Variants in SLC4A4 observed in about 807,000 individuals in gnomAD.
SLC4A4 encodes the protein electrogenic sodium bicarbonate cotransporter 1.
SLC4A4 carries 27 observed loss-of-function variants against 111.5 expected under a neutral mutation model. That is an observed-to-expected ratio of 0.24 (90% CI 0.18 to 0.33). The LOEUF is 0.33. Among genes scored for constraint, SLC4A4 ranks in the 10% least tolerant of loss-of-function variants. The pLI, the probability that SLC4A4 is intolerant of heterozygous loss-of-function variation, is 1.00. For missense variants in SLC4A4, 909 were observed against 1,315.5 expected, an observed-to-expected ratio of 0.69 and a Z score of 4.78; for synonymous variants, 443 against 463.4, an observed-to-expected ratio of 0.96 and a Z score of 0.57.
intron 15 of SLC4A4, among the ~76,000 whole-genome samples, chr4:71,493,247 A>G (rs1455397535): frequency 6.6e-6 from 1 of 152,068 alleles, no homozygotes; most frequent in Non-Finnish European, 1.5e-5. Context: ...AATGTTACAT[A>G]TGAAACACTT....
At chr4:71,228,532 A>G (rs1719192525) in intron 1 of SLC4A4, among the ~76,000 whole-genome samples, 2 of 152,198 alleles carry the variant, frequency 1.3e-5, no homozygotes, top group Non-Finnish European at 2.9e-5. Context: ...AGCTCATTTT[A>G]AAAGACACTG....
intron 3 of SLC4A4, among the ~76,000 whole-genome samples, chr4:71,299,666 G>A (rs537044744): frequency 9.9e-5 from 15 of 152,224 alleles, no homozygotes; most frequent in Admixed American, 3.9e-4. Flanking sequence ...GGGAGCCAGC[G>A]TTGTGGAGAG....
At chr4:71,507,582 G>C (rs901467448) in intron 16 of SLC4A4, among the ~76,000 whole-genome samples, 1 of 152,172 alleles carries the variant, frequency 6.6e-6, no homozygotes, top group Non-Finnish European at 1.5e-5. Context: ...GGAGCACCAA[G>C]ATTTAAAAAG....
At chr4:71,145,543 T>G (rs1256286548) in intron 2 of SLC4A4, among the ~76,000 whole-genome samples, 2 of 152,172 alleles carry the variant, frequency 1.3e-5, no homozygotes, top group East Asian at 3.9e-4. Context: ...TCCTTGTACC[T>G]CTGGTAGAAT....
chr4:71,330,667 A>G (rs1405291344), intron 3 of SLC4A4, among the ~76,000 whole-genome samples: 1 of 152,150 alleles, frequency 6.6e-6, no homozygotes, highest in Non-Finnish European at 1.5e-5. Flanking sequence ...TCAGGACATA[A>G]GCATGGGCAA....
At chr4:71,135,496 A>C (rs755443805) in intron 2 of SLC4A4, among the ~76,000 whole-genome samples, 4 of 151,968 alleles carry the variant, frequency 2.6e-5, no homozygotes, top group Non-Finnish European at 4.4e-5. Context: ...GGATTTTACC[A>C]TGTTGGCCAG....
At chr4:71,506,773 G>A (rs75868144) in intron 16 of SLC4A4, among the ~76,000 whole-genome samples, 1,528 of 152,050 alleles carry the variant, frequency 0.01, 24 homozygotes, top group African/African-American at 0.031. Context: ...CAAGAAGGTC[G>A]TCCTCAAGAC....
chr4:71,455,487 G>A (rs1726159054), intron 12 of SLC4A4, among the ~76,000 whole-genome samples: 1 of 152,040 alleles, frequency 6.6e-6, no homozygotes, highest in African/African-American at 2.4e-5. Context: ...AAAACAGATC[G>A]TTCAAGAAAA....
intron 3 of SLC4A4, among the ~76,000 whole-genome samples, chr4:71,268,607 T>A (rs565532794): frequency 2.2e-4 from 33 of 152,344 alleles, no homozygotes; most frequent in African/African-American, 7.9e-4. Flanking sequence ...AACAGAGTAT[T>A]TTTGTTCATT....
intron 2 of SLC4A4, among the ~76,000 whole-genome samples, chr4:71,128,160 C>G (rs147516308): frequency 6.6e-6 from 1 of 152,238 alleles, no homozygotes; most frequent in Non-Finnish European, 1.5e-5. Flanking sequence ...AATCCACTCA[C>G]AGTTCCACCT....
chr4:71,286,165 G>A (rs1723903168), intron 3 of SLC4A4, among the ~76,000 whole-genome samples: 1 of 152,120 alleles, frequency 6.6e-6, no homozygotes, highest in Non-Finnish European at 1.5e-5. Flanking sequence ...GCGTGAACCT[G>A]GGAGGTGGAG....
chr4:71,354,908 T>G (rs999706460), intron 5 of SLC4A4, among the ~76,000 whole-genome samples: 1 of 152,152 alleles, frequency 6.6e-6, no homozygotes, highest in African/African-American at 2.4e-5. Flanking sequence ...CATCTAGTGT[T>G]GGCACATTCT....
At chr4:71,406,658 T>TC (rs909288194) in intron 7 of SLC4A4, among the ~76,000 whole-genome samples, 1 of 151,648 alleles carries the variant, frequency 6.6e-6, no homozygotes, top group African/African-American at 2.4e-5. Flanking sequence ...TTTTTTTTTT[T>TC]TTTGCCACCA....
intron 3 of SLC4A4, among the ~76,000 whole-genome samples, chr4:71,328,892 C>T (rs1727718525): frequency 6.6e-6 from 1 of 152,064 alleles, no homozygotes; most frequent in Non-Finnish European, 1.5e-5. Flanking sequence ...GAAACCTTTG[C>T]CCAGTCCAAT....
At chr4:71,065,679 G>A (rs887103394) in intron 1 of SLC4A4, among the ~76,000 whole-genome samples, 3 of 151,950 alleles carry the variant, frequency 2.0e-5, no homozygotes, top group African/African-American at 4.8e-5. Flanking sequence ...GGGACTTTGC[G>A]CATGTGTTTG....
intron 2 of SLC4A4, among the ~76,000 whole-genome samples, chr4:71,177,573 A>T (rs1323778882): frequency 6.6e-6 from 1 of 152,226 alleles, no homozygotes; most frequent in Non-Finnish European, 1.5e-5. Flanking sequence ...AGATCAAAAG[A>T]GACAAAGAAG....
intron 7 of SLC4A4, among the ~76,000 whole-genome samples, chr4:71,419,297 G>A (rs1488007923): frequency 6.6e-6 from 1 of 152,236 alleles, no homozygotes; most frequent in Non-Finnish European, 1.5e-5. Context: ...TGCCCCCAGA[G>A]GTGGAGCCTA....
At chr4:71,113,854 A>G (rs1743168697) in intron 2 of SLC4A4, among the ~76,000 whole-genome samples, 1 of 152,238 alleles carries the variant, frequency 6.6e-6, no homozygotes, top group Non-Finnish European at 1.5e-5. Flanking sequence ...TATTAGCTTT[A>G]GAAGCCATTT....
intron 2 of SLC4A4, among the ~76,000 whole-genome samples, chr4:71,171,233 G>GT (rs1560756900): frequency 6.6e-6 from 1 of 151,918 alleles, no homozygotes; most frequent in African/African-American, 2.4e-5. Flanking sequence ...GTGGCTTTGC[G>GT]TGCAGGCTGG....
Sources: allele counts gnomAD v4.1 joint callset (sites outside exome capture counted in the v4.1 genomes callset), GRCh38; gene constraint gnomAD v4.1.1; transcripts MANE v1.5; gene names NCBI Gene and HGNC (gene_info 2026-07-23, HGNC 2026-07-21).